The following SLC12A1 variants were observed in gnomAD, a reference collection of about 807,000 sequenced individuals.
The protein encoded by SLC12A1 is Na-K-2Cl cotransporter.
In SLC12A1, 89 loss-of-function variants were observed where a neutral mutation model predicts 130.4. The ratio of observed to expected loss-of-function variants is 0.68; its 90% CI spans 0.58 to 0.81. The LOEUF (loss-of-function observed/expected upper bound fraction) is 0.81. Among genes scored for constraint, SLC12A1 ranks in the 40% least tolerant of loss-of-function variants. SLC12A1 has a pLI of 0.00. For synonymous variants in SLC12A1, 499 were observed against 460.0 expected (o/e 1.08, Z -1.09); for missense variants, 1,310 against 1,336.4 (o/e 0.98, Z 0.31).
intron 24 of SLC12A1, among the ~76,000 whole-genome samples, chr15:48,293,443 T>C (rs1015130324): frequency 7.2e-5 from 11 of 152,220 alleles, no homozygotes; most frequent in Non-Finnish European, 1.0e-4. Flanking sequence ...AGAGGAATCA[T>C]ACAGAGGGAT....
intron 15 of SLC12A1, among the ~76,000 whole-genome samples, chr15:48,254,672 A>G (rs2041685457): frequency 6.8e-6 from 1 of 146,772 alleles, no homozygotes; most frequent in Non-Finnish European, 1.5e-5. Flanking sequence ...CTGTAATCCC[A>G]GCACTTTGGG....
chr15:48,260,091 C>G (rs1427991534), intron 17 of SLC12A1, among the ~76,000 whole-genome samples: 1 of 151,970 alleles, frequency 6.6e-6, no homozygotes, highest in Middle Eastern at 3.4e-3. Flanking sequence ...ATGGCAAAAC[C>G]CTCTCTCTAC....
intron 20 of SLC12A1, among the ~76,000 whole-genome samples, chr15:48,284,076 G>A (rs1023256940): frequency 6.6e-6 from 1 of 152,182 alleles, no homozygotes; most frequent in Non-Finnish European, 1.5e-5. Context: ...TCTCAACCTT[G>A]GGCAGGAAAT....
chr15:48,281,625 C>T (rs1852180185), intron 20 of SLC12A1, among the ~76,000 whole-genome samples: 1 of 152,174 alleles, frequency 6.6e-6, no homozygotes, highest in South Asian at 2.1e-4. Flanking sequence ...GGACAAATCA[C>T]TTGAACTTTC....
At chr15:48,291,627 T>G (rs2141119197) in intron 23 of SLC12A1, 151 bp from the exon 24 acceptor site, 1 of 629,718 alleles carries the variant, frequency 1.6e-6, no homozygotes, top group East Asian at 2.8e-5. Context: ...AGTACTGTAA[T>G]GAAAATCAAA....
intron 9 of SLC12A1, among the ~76,000 whole-genome samples, chr15:48,239,012 T>G (rs1597417538): frequency 6.6e-6 from 1 of 152,322 alleles, no homozygotes; most frequent in Admixed American, 6.5e-5. Context: ...CATTCTGTCC[T>G]AAGGAAAAAT....
At position 48,208,140 on chromosome 15, in the gene SLC12A1, G is replaced by T; in HGVS notation, c.420+1G>T. 6.4e-7 allele frequency: 1 copy of T among 1,573,032 alleles called. No individual in the cohort carries two copies. Among genetic ancestry groups the T allele is most frequent in the South Asian group, 1.2e-5 (1 of 83,300 alleles). On this transcript the variant is annotated splice_donor_variant, in intron 2 of 26. Coordinates refer to ENST00000380993, the MANE Select transcript of SLC12A1 (RefSeq NM_000338.3). LOFTEE classifies it high-confidence loss of function. Reference sequence around the variant, plus strand: ...TGAGATTCACGAGCAACTCGCAAAGGTAAGCTTGAAGGACACAAGCAAGTC... The same window carrying T: ...TGAGATTCACGAGCAACTCGCAAAGTTAAGCTTGAAGGACACAAGCAAGTC...
chr15:48,246,627 A>G (rs1355536499), intron 11 of SLC12A1, among the ~76,000 whole-genome samples: 1 of 152,170 alleles, frequency 6.6e-6, no homozygotes, highest in East Asian at 1.9e-4. Flanking sequence ...CTAGAAATAC[A>G]AAAATTAGCG....
chr15:48,220,996 G>A lies in SLC12A1; in HGVS notation c.628G>A (p.Gly210Ser), dbSNP rs755575952. The change falls in exon 4 of 27, where the codon GGT (glycine) becomes AGT (serine). Residue 210 changes from glycine (G) to serine (S), a missense_variant and splice_region_variant. Transcript: ENST00000380993. ...CTGGATTGTTGGAGAAGCTGGAATT[G>A]GTAAGCATTTTTCCCCTCCTAAATA... is the stretch of plus-strand genomic sequence containing the variant. Reference protein sequence around the residue: ...LSWIVGEAGIGLGVLIILLST... With the variant: ...LSWIVGEAGISLGVLIILLST... 1.2e-6 allele frequency: 2 copies of A among 1,613,752 alleles called. No homozygotes were observed. The highest frequency in any genetic ancestry group is 2.2e-5 in the South Asian group (2 of 91,074).
At chr15:48,246,600 G>A (rs1022493006) in intron 11 of SLC12A1, among the ~76,000 whole-genome samples, 1 of 152,114 alleles carries the variant, frequency 6.6e-6, no homozygotes, top group Non-Finnish European at 1.5e-5. Flanking sequence ...GGCCAACATG[G>A]TGAAACCCCG....
At chr15:48,274,446 A>G in intron 19 of SLC12A1, 125 bp from the exon 20 acceptor site, 2 of 696,782 alleles carry the variant, frequency 2.9e-6, no homozygotes, top group Non-Finnish European at 5.2e-6. Flanking sequence ...GCTCTTGGCT[A>G]TATTCTAAGG....
chr15:48,225,984 G>A (rs1287534463), intron 4 of SLC12A1: 1 of 677,942 alleles, frequency 1.5e-6, no homozygotes, highest in Non-Finnish European at 1.8e-6. Context: ...CATTTGTAAG[G>A]TAAAGGCAAC....
intron 9 of SLC12A1, among the ~76,000 whole-genome samples, chr15:48,240,002 C>A (rs1400063744): frequency 1.5e-5 from 2 of 131,338 alleles, no homozygotes; most frequent in Non-Finnish European, 3.1e-5. Context: ...ATCTTCACAT[C>A]TGTTATCCAT....
chr15:48,253,074 T>A (rs1314222323), intron 15 of SLC12A1, among the ~76,000 whole-genome samples: 1 of 152,198 alleles, frequency 6.6e-6, no homozygotes, highest in African/African-American at 2.4e-5. Flanking sequence ...GTCAGTGCAG[T>A]GCAGGGTAAC....
At chr15:48,278,230 C>T (rs570761603) in intron 20 of SLC12A1, among the ~76,000 whole-genome samples, 3 of 152,300 alleles carry the variant, frequency 2.0e-5, no homozygotes, top group African/African-American at 7.2e-5. Flanking sequence ...GGCGAAAGAG[C>T]GAGACTCCGT....
intron 14 of SLC12A1, 24 bp downstream of exon 14, chr15:48,249,700 T>G (rs2041625610): frequency 6.7e-7 from 1 of 1,485,062 alleles, no homozygotes; most frequent in Admixed American, 1.7e-5. Flanking sequence ...CAAACTAAAA[T>G]ATGCCTAAGC....
chr15:48,229,229 G>A lies in SLC12A1; in HGVS notation c.765G>A (p.Glu255=). Residue 255 remains glutamate, a synonymous_variant, in exon 6 of 27, where the codon GAG becomes GAA. Coordinates refer to ENST00000380993, the MANE Select transcript of SLC12A1 (RefSeq NM_000338.3). The stretch of plus-strand genomic sequence containing the variant: ...TTATTTCCAGAAGTTTAGGGCCCGA[G>A]TTCGGTGGGTCAATAGGCCTGATCT... ...YYLISRSLGP[E]FGGSIGLIFA... is the part of the protein sequence containing the mutation. 2 of 1,593,392 alleles carry A rather than the reference G, an allele frequency of 1.3e-6. No homozygotes were observed. Among genetic ancestry groups the A allele is most frequent in the Non-Finnish European group, 8.6e-7 (1 of 1,169,158 alleles).
chr15:48,301,511 G>GGGGGGGGGGCC, intron 26 of SLC12A1, 129 bp downstream of exon 26: 1 of 478,134 alleles, frequency 2.1e-6, no homozygotes, highest in East Asian at 5.5e-5. Context: ...TTGGGGGGGG[G>GGGGGGGGGGCC]AACACGTGGG....
At chr15:48,280,027 T>C (rs1168682115) in intron 20 of SLC12A1, among the ~76,000 whole-genome samples, 1 of 152,154 alleles carries the variant, frequency 6.6e-6, no homozygotes, top group Non-Finnish European at 1.5e-5. Flanking sequence ...AAAAGGATGC[T>C]GTAAAATGGG....
Sources: allele counts gnomAD v4.1 joint callset (sites outside exome capture counted in the v4.1 genomes callset), GRCh38; gene constraint gnomAD v4.1.1; transcripts MANE v1.5; gene names NCBI Gene and HGNC (gene_info 2026-07-23, HGNC 2026-07-21).